Variants in WWOX observed in about 807,000 individuals in gnomAD.
WWOX encodes the protein WW domain-containing oxidoreductase.
In WWOX, 69 loss-of-function variants were observed where a neutral mutation model predicts 46.2. The ratio of observed to expected loss-of-function variants is 1.49; its 90% confidence interval spans 1.23 to 1.82. The LOEUF is 1.82. Ranked by LOEUF, WWOX falls within the 40% of genes most tolerant of loss-of-function variation. WWOX has a pLI of 0.00. For synonymous variants in WWOX, 359 were observed against 202.6 expected (o/e 1.77, Z -6.56); for missense variants, 919 against 542.6 (o/e 1.69, Z -6.89).
At chr16:78,118,357 A>G (rs1453002285) in intron 4 of WWOX, among the ~76,000 whole-genome samples, 1 of 152,192 alleles carries the variant, frequency 6.6e-6, no homozygotes, top group Non-Finnish European at 1.5e-5. Context: ...ATGTCAGAAT[A>G]AAGCATTGTG....
At chr16:78,560,907 C>T (rs977993711) in intron 8 of WWOX, among the ~76,000 whole-genome samples, 1 of 152,060 alleles carries the variant, frequency 6.6e-6, no homozygotes, top group South Asian at 2.1e-4. Flanking sequence ...ACACACTTAG[C>T]AGTTCACATT....
intron 8 of WWOX, among the ~76,000 whole-genome samples, chr16:78,544,413 A>G (rs975952046): frequency 6.6e-6 from 1 of 152,212 alleles, no homozygotes; most frequent in Non-Finnish European, 1.5e-5. Context: ...CATTATCTTC[A>G]TCTTATTAAG....
chr16:78,402,060 A>G (rs1045958810), intron 6 of WWOX, among the ~76,000 whole-genome samples: 4 of 152,228 alleles, frequency 2.6e-5, no homozygotes, highest in Middle Eastern at 3.2e-3. Flanking sequence ...AAGTTACGTT[A>G]CCATTACCAC....
At chr16:78,590,064 G>T (rs944922839) in intron 8 of WWOX, among the ~76,000 whole-genome samples, 5 of 151,982 alleles carry the variant, frequency 3.3e-5, no homozygotes, top group African/African-American at 1.2e-4. Flanking sequence ...AAGTCAATAA[G>T]CTATGATGCC....
intron 8 of WWOX, among the ~76,000 whole-genome samples, chr16:79,200,142 C>A (rs1206912701): frequency 2.6e-5 from 4 of 152,158 alleles, no homozygotes; most frequent in Non-Finnish European, 4.4e-5. Context: ...ACCATAGACC[C>A]CTTCTGGTCT....
chr16:78,679,076 G>A (rs969749425), intron 8 of WWOX, among the ~76,000 whole-genome samples: 1 of 152,344 alleles, frequency 6.6e-6, no homozygotes, highest in African/African-American at 2.4e-5. Flanking sequence ...GATGCCATTT[G>A]GTGAAGCTGA....
chr16:78,150,195 T>C (rs1165435117), intron 4 of WWOX, among the ~76,000 whole-genome samples: 1 of 152,152 alleles, frequency 6.6e-6, no homozygotes, highest in East Asian at 1.9e-4. Flanking sequence ...CAGGGAAATA[T>C]TTACTTATGT....
chr16:78,418,332 C>A (rs1212827604), intron 6 of WWOX, among the ~76,000 whole-genome samples: 1 of 151,842 alleles, frequency 6.6e-6, no homozygotes, highest in South Asian at 2.1e-4. Flanking sequence ...CCACTGCACT[C>A]CAGCCTGGGC....
intron 8 of WWOX, among the ~76,000 whole-genome samples, chr16:79,043,334 G>A (rs2048007605): frequency 6.6e-6 from 1 of 152,132 alleles, no homozygotes; most frequent in Non-Finnish European, 1.5e-5. Context: ...TAAAAAAATG[G>A]TTTTTGATTT....
intron 8 of WWOX, among the ~76,000 whole-genome samples, chr16:78,712,791 G>T (rs1167242864): frequency 6.6e-6 from 1 of 152,120 alleles, no homozygotes; most frequent in Non-Finnish European, 1.5e-5. Context: ...AAATAATGCG[G>T]AAAAAACTGT....
intron 6 of WWOX, among the ~76,000 whole-genome samples, chr16:78,422,838 TACATATACACACACACACACACACAC>T (rs2082979173): frequency 4.1e-5 from 4 of 96,468 alleles, no homozygotes; most frequent in African/African-American, 2.1e-4. Context: ...TATATATATA[TACATATACACACACACACACACACAC>T]ACACACACAC....
intron 8 of WWOX, among the ~76,000 whole-genome samples, chr16:78,729,430 G>T (rs2048913610): frequency 6.6e-6 from 1 of 152,048 alleles, no homozygotes; most frequent in Non-Finnish European, 1.5e-5. Context: ...CCCTTACTTG[G>T]AAAAAGTGCC....
At chr16:78,823,825 G>C (rs1223285218) in intron 8 of WWOX, among the ~76,000 whole-genome samples, 1 of 151,382 alleles carries the variant, frequency 6.6e-6, no homozygotes, top group South Asian at 2.1e-4. Context: ...CTCCGAGCTA[G>C]AGTACAATGG....
At chr16:78,631,420 C>T (rs1312325911) in intron 8 of WWOX, among the ~76,000 whole-genome samples, 1 of 152,112 alleles carries the variant, frequency 6.6e-6, no homozygotes, top group East Asian at 1.9e-4. Context: ...CTATGGCAAA[C>T]TGCGGAAGAA....
chr16:78,106,986 C>G (rs1336271781), intron 1 of WWOX, among the ~76,000 whole-genome samples: 3 of 152,172 alleles, frequency 2.0e-5, no homozygotes, highest in Non-Finnish European at 4.4e-5. Flanking sequence ...GCTGCCAAGA[C>G]TTTGTCAAAC....
intron 8 of WWOX, among the ~76,000 whole-genome samples, chr16:78,999,253 C>T (rs2047048437): frequency 6.6e-6 from 1 of 151,870 alleles, no homozygotes; most frequent in East Asian, 1.9e-4. Flanking sequence ...GGCGGATCAT[C>T]TGAGGTCGGG....
At chr16:78,537,641 G>A (rs371318894) in intron 8 of WWOX, among the ~76,000 whole-genome samples, 145 of 152,266 alleles carry the variant, frequency 9.5e-4, no homozygotes, top group African/African-American at 3.4e-3. Context: ...GAGCTTGGTT[G>A]TGATGTTGTT....
At chr16:78,540,665 T>G (rs567401672) in intron 8 of WWOX, among the ~76,000 whole-genome samples, 1 of 151,948 alleles carries the variant, frequency 6.6e-6, no homozygotes, top group East Asian at 1.9e-4. Flanking sequence ...TTCTATAGGC[T>G]CCTGCAAATT....
chr16:78,459,121 A>T (rs1597114874), intron 8 of WWOX, among the ~76,000 whole-genome samples: 1 of 152,198 alleles, frequency 6.6e-6, no homozygotes, highest in African/African-American at 2.4e-5. Flanking sequence ...TGAAGATTAA[A>T]TGAAGCTTCC....
Sources: gnomAD v4.1 joint callset for allele counts (sites outside exome capture counted in the v4.1 genomes callset) on GRCh38, gnomAD v4.1.1 for gene constraint, MANE v1.5 for transcripts, NCBI Gene and HGNC (gene_info 2026-07-23, HGNC 2026-07-21) for gene names.